The following TMEM131L variants were observed in gnomAD, a reference collection of about 807,000 sequenced individuals.
TMEM131L encodes transmembrane protein 131-like.
A neutral mutation model predicts 192.2 loss-of-function variants in TMEM131L; 54 were observed. That is an observed-to-expected ratio of 0.28 (90% CI 0.23 to 0.35). TMEM131L has a LOEUF of 0.35. Ranked by LOEUF, TMEM131L falls within the 10% of genes least tolerant of loss-of-function variation. TMEM131L has a pLI of 1.00. For synonymous variants in TMEM131L, 701 were observed against 704.9 expected, an observed-to-expected ratio of 0.99 and a Z score of 0.09; for missense variants, 1,888 against 1,972.9, an observed-to-expected ratio of 0.96 and a Z score of 0.82.
intron 4 of TMEM131L, among the ~76,000 whole-genome samples, chr4:153,553,158 A>G (rs887645959): frequency 6.6e-6 from 1 of 152,196 alleles, no homozygotes; most frequent in Non-Finnish European, 1.5e-5. Flanking sequence ...TTACGTTTAT[A>G]TAATACTTTA....
intron 4 of TMEM131L, among the ~76,000 whole-genome samples, chr4:153,551,030 T>C (rs1396043075): frequency 6.6e-6 from 1 of 152,206 alleles, no homozygotes; most frequent in African/African-American, 2.4e-5. Flanking sequence ...AGGACTCTTG[T>C]TGTCCGTGAT....
intron 31 of TMEM131L, among the ~76,000 whole-genome samples, chr4:153,628,957 A>G (rs562254695): frequency 2.6e-5 from 4 of 151,090 alleles, no homozygotes; most frequent in East Asian, 3.9e-4. Flanking sequence ...TCACCTTTGT[A>G]CTCCCTCACC....
intron 7 of TMEM131L, among the ~76,000 whole-genome samples, chr4:153,570,094 T>G: frequency 6.6e-6 from 1 of 152,240 alleles, no homozygotes; most frequent in Non-Finnish European, 1.5e-5. Context: ...AGGCTGGATT[T>G]GTTCTTGCTA....
At chr4:153,616,067 T>G (rs570846207) in intron 26 of TMEM131L, among the ~76,000 whole-genome samples, 6 of 152,312 alleles carry the variant, frequency 3.9e-5, no homozygotes, top group Admixed American at 2.0e-4. Flanking sequence ...TCTCAGTGGT[T>G]ATATAAGACC....
chr4:153,578,339 C>T (rs1730097885), intron 7 of TMEM131L, among the ~76,000 whole-genome samples: 1 of 151,966 alleles, frequency 6.6e-6, no homozygotes, highest in Admixed American at 6.5e-5. Context: ...TGTGCTTCAG[C>T]CTGGGCAGTA....
At position 153,587,818 on chromosome 4, in the gene TMEM131L, A is replaced by T; in HGVS notation, c.1552+7A>T. ...ATGGGAAAATCAAAAGCAGGTAAGT[A>T]TTTTGCCCTTAGGCTTTCTGTAGAT... On this transcript the variant is annotated splice_region_variant and intron_variant, in intron 15 of 34. Transcript: ENST00000409959. 6.2e-7 allele frequency: 1 copy of T among 1,607,862 alleles called. No homozygotes were observed. Among genetic ancestry groups the T allele is most frequent in the South Asian group, 1.1e-5 (1 of 90,952 alleles).
chr4:153,567,086 A>G (rs1253731766), intron 7 of TMEM131L, among the ~76,000 whole-genome samples: 2 of 152,192 alleles, frequency 1.3e-5, no homozygotes, highest in Non-Finnish European at 2.9e-5. Flanking sequence ...TTAACGTGGC[A>G]ATCTAGAAGG....
At chr4:153,533,777 T>C (rs1194785116) in intron 3 of TMEM131L, among the ~76,000 whole-genome samples, 2 of 152,216 alleles carry the variant, frequency 1.3e-5, no homozygotes, top group East Asian at 1.9e-4. Flanking sequence ...TAGGATCCTA[T>C]GTTTTTTGCA....
At position 153,556,895 on chromosome 4, in the gene TMEM131L, A is replaced by G. The variant is rs897391944; in HGVS notation, c.433-71A>G. The G allele has an allele frequency of 4.8e-5, 36 of 745,768 alleles. No individual in the cohort carries two copies. In the Admixed American group the frequency reaches 8.2e-4, roughly 17 times the overall value. 46.2% of individuals were successfully genotyped at this position (745,768 alleles called of 1,614,324 possible). On this transcript the variant is annotated intron_variant, in intron 5 of 34. Transcript: ENST00000409959. ...GTCTGTTAACAGAAATTGTCAAAAA[A>G]AGAAAGTCTGTGAAAGACAGTTTAT...
chr4:153,595,622 A>G (rs1731376357), intron 19 of TMEM131L, among the ~76,000 whole-genome samples: 1 of 152,108 alleles, frequency 6.6e-6, no homozygotes, highest in African/African-American at 2.4e-5. Context: ...AGATGGAGCT[A>G]GAAAAAGCAG....
At chr4:153,565,285 T>G (rs1461310292) in intron 7 of TMEM131L, among the ~76,000 whole-genome samples, 3 of 152,246 alleles carry the variant, frequency 2.0e-5, no homozygotes, top group African/African-American at 7.2e-5. Flanking sequence ...AATGAGTCAA[T>G]GGGCATCTGA....
intron 3 of TMEM131L, among the ~76,000 whole-genome samples, chr4:153,526,598 C>T (rs918785404): frequency 4.6e-5 from 7 of 151,968 alleles, no homozygotes; most frequent in Admixed American, 1.3e-4. Flanking sequence ...ATTAGCCGGG[C>T]GTGGTGGCGG....
intron 14 of TMEM131L, among the ~76,000 whole-genome samples, chr4:153,586,867 T>C (rs1578806134): frequency 6.6e-6 from 1 of 152,342 alleles, no homozygotes; most frequent in East Asian, 1.9e-4. Flanking sequence ...TTCTAAAATC[T>C]GGGTAAATTA....
intron 26 of TMEM131L, among the ~76,000 whole-genome samples, chr4:153,614,603 G>A (rs1233396961): frequency 1.3e-5 from 2 of 152,160 alleles, no homozygotes; most frequent in East Asian, 3.8e-4. Flanking sequence ...ATAATTGGAT[G>A]TTGTTCAATT....
At chr4:153,633,256 GCC>G (rs1734342439) in intron 32 of TMEM131L, 1 of 163,416 alleles carries the variant, frequency 6.1e-6, no homozygotes, top group Non-Finnish European at 1.3e-5. Context: ...TTGCTCTGTC[GCC>G]CAGGCTGGAG....
intron 12 of TMEM131L, 139 bp downstream of exon 12, chr4:153,585,070 G>A: frequency 1.5e-6 from 1 of 674,072 alleles, no homozygotes. Context: ...CCTTAGCATT[G>A]CTAACAGGCA....
At chr4:153,535,557 A>G (rs1219232191) in intron 3 of TMEM131L, among the ~76,000 whole-genome samples, 1 of 152,166 alleles carries the variant, frequency 6.6e-6, no homozygotes, top group Non-Finnish European at 1.5e-5. Context: ...AAGCAACATA[A>G]CAAAACCAAT....
chr4:153,559,305 C>A (rs1403252601), intron 7 of TMEM131L, among the ~76,000 whole-genome samples: 3 of 152,064 alleles, frequency 2.0e-5, no homozygotes, highest in Non-Finnish European at 4.4e-5. Flanking sequence ...AATGGAAAAG[C>A]CCCTCCTTGC....
At chr4:153,602,766 G>A (rs1402608026) in intron 23 of TMEM131L, 39 bp downstream of exon 23, 2 of 1,587,892 alleles carry the variant, frequency 1.3e-6, no homozygotes, top group East Asian at 2.2e-5. Context: ...TCACTGAGTA[G>A]AGAAGTCATC....
Sources: allele counts gnomAD v4.1 joint callset (sites outside exome capture counted in the v4.1 genomes callset), GRCh38; gene constraint gnomAD v4.1.1; transcripts MANE v1.5; gene names NCBI Gene and HGNC (gene_info 2026-07-23, HGNC 2026-07-21).